The following STK36 variants were observed in gnomAD, a reference collection of about 807,000 sequenced individuals.
STK36 encodes the protein serine/threonine-protein kinase 36.
Under a neutral mutation model 142.2 loss-of-function variants are expected in STK36, and 116 were observed. The observed-to-expected ratio is 0.82, with a 90% confidence interval of 0.70 to 0.95. The LOEUF (loss-of-function observed/expected upper bound fraction) is 0.95. Ranked by LOEUF, STK36 falls within the 40% of genes least tolerant of loss-of-function variation. The probability of loss-of-function intolerance (pLI) is 0.00; values close to 1 mark genes in which losing one functional copy is unlikely to be tolerated. For missense variants in STK36, 1,422 were observed against 1,617.2 expected (o/e 0.88, Z 2.07); for synonymous variants, 619 against 641.7 (o/e 0.96, Z 0.53).
chr2:218,701,947 CCTGCCT>C lies in STK36; in HGVS notation c.3892_3897del (p.Ser1298_Ala1299del), dbSNP rs778130556. ...GTCACTGCCACACAGCAGTCCTAGG[CCTGCCT>C]CTGCCAAACACTGCAGGAAACTCAT... On this transcript the variant is annotated inframe_deletion, in exon 27 of 27. Transcript: ENST00000295709. The C allele has an allele frequency of 1.2e-6, 2 of 1,614,034 alleles. No homozygotes were observed. Among genetic ancestry groups the C allele is most frequent in the East Asian group, 2.2e-5 (1 of 44,888 alleles).
At position 218,688,806 on chromosome 2, in the gene STK36, G is replaced by T; in HGVS notation, c.1490G>T (p.Arg497Leu). 1 of 1,613,796 alleles carries T rather than the reference G, an allele frequency of 6.2e-7. No individual in the cohort carries two copies. The highest frequency in any genetic ancestry group is 8.5e-7 in the Non-Finnish European group (1 of 1,179,988). ...SDSVALYSFC[R>L]EAGLPGLLLS... ...TCTGTTGCCTTGTATTCCTTCTGCC[G>T]GGAGGCAGGGCTTCCTGGGCTGCTG... The change falls in exon 12 of 27, where the codon CGG (arginine) becomes CTG (leucine). Residue 497 changes from arginine (R) to leucine (L), a missense_variant. This residue lies in a region of STK36 where 962 missense variants were observed against 1,167.5 expected (regional missense o/e 0.82). Coordinates refer to ENST00000295709, the MANE Select transcript of STK36 (RefSeq NM_015690.5).
rs565742342 is a variant in STK36, at chr2:218,697,585, A to G, written c.2884A>G (p.Ser962Gly). The G allele has an allele frequency of 6.8e-6, 11 of 1,614,234 alleles. No individual in the cohort carries two copies. The Middle Eastern group carries it at 4.9e-4, about 73-fold the overall frequency. ...CATCCTGAAGCATCTGCTTTGCCCCAGCTTCCTGAATCAACTGCGCCAGGC... is the reference window on the plus strand; with the variant it reads ...CATCCTGAAGCATCTGCTTTGCCCCGGCTTCCTGAATCAACTGCGCCAGGC... ...MSILKHLLCP[S>G]FLNQLRQAPH... The change falls in exon 24 of 27, where the codon AGC becomes GGC. Residue 962 changes from serine to glycine, a missense_variant. Coordinates refer to ENST00000295709, the MANE Select transcript of STK36 (RefSeq NM_015690.5).
At chr2:218,684,743 A>G (rs2106353360) in intron 10 of STK36, 1 of 181,098 alleles carries the variant, frequency 5.5e-6, no homozygotes, top group South Asian at 1.5e-4. Flanking sequence ...TAATAACCTC[A>G]TCGTATTTTC....
chr2:218,692,653 G>T lies in STK36; in HGVS notation c.1986G>T (p.Leu662=). 6.2e-7 allele frequency: 1 copy of T among 1,613,732 alleles called. No homozygotes were observed. Among genetic ancestry groups the T allele is most frequent in the Non-Finnish European group, 8.5e-7 (1 of 1,180,016 alleles). Residue 662 remains leucine (L), a synonymous_variant, in exon 16 of 27, where the codon CTG becomes CTT. Coordinates refer to ENST00000295709, the MANE Select transcript of STK36 (RefSeq NM_015690.5). The stretch of plus-strand genomic sequence containing the variant: ...TACCTGGAGCCATTTCCTCTGCCCT[G>T]GCAGCCATATGCACTGCTCCTGTGG... ...EDIPGAISSA[L]AAICTAPVGL...
Position 218,694,290 on chromosome 2 carries a change from C to T in STK36, c.2363C>T (p.Ala788Val), listed in dbSNP as rs773476956. 1.2e-6 allele frequency: 2 copies of T among 1,614,060 alleles called. No homozygotes were observed. Among genetic ancestry groups the T allele is most frequent in the East Asian group, 4.5e-5 (2 of 44,888 alleles). The change falls in exon 20 of 27, where the codon GCT becomes GTT. Residue 788 changes from alanine to valine, a missense_variant. Ala to Val is a moderately conservative substitution (Grantham distance 64). Around this residue, in one of 2 missense-constraint regions of STK36, gnomAD observed 962 missense variants for 1,167.5 expected, o/e 0.82. Coordinates refer to ENST00000295709, the MANE Select transcript of STK36 (RefSeq NM_015690.5). The surrounding 1 kb of genome is among the most constrained non-coding windows in gnomAD (Gnocchi z 4.4). ...CGMEKLGSDV[A>V]TLFTHSHVVS... ...ATGGAGAAGCTAGGCAGTGACGTTG[C>T]TACTCTCTTTACCCATTCGCATGTC...
Position 218,694,597 on chromosome 2 carries a change from A to G in STK36, c.2473A>G (p.Met825Val), listed in dbSNP as rs532917789. Residue 825 changes from methionine (M) to valine (V), a missense_variant, in exon 21 of 27, where the codon ATG (methionine) becomes GTG (valine). Transcript: ENST00000295709. The surrounding 1 kb of genome is among the most constrained non-coding windows in gnomAD (Gnocchi z 4.4). ...VTFDLQPMEW[M>V]AAATHALSAP... ...CTTTGACCTCCAGCCCATGGAATGGATGGCTGCAGCCACACATGCCTTGTC... is the reference window on the plus strand; with the variant it reads ...CTTTGACCTCCAGCCCATGGAATGGGTGGCTGCAGCCACACATGCCTTGTC... 1.6e-4 allele frequency: 263 copies of G among 1,614,228 alleles called. 1 individual carries two copies. The South Asian group carries it at 2.7e-3, about 16-fold the overall frequency.
At chr2:218,685,422 G>A (rs919138993) in intron 11 of STK36, among the ~76,000 whole-genome samples, 194 bp downstream of exon 11, 2 of 152,036 alleles carry the variant, frequency 1.3e-5, no homozygotes, top group African/African-American at 2.4e-5. Flanking sequence ...TTTTCTGAAG[G>A]GAAAAATGCC....
intron 23 of STK36, 56 bp from the exon 24 acceptor site, chr2:218,697,407 A>C (rs531672266): frequency 6.3e-7 from 1 of 1,597,556 alleles, no homozygotes; most frequent in South Asian, 1.1e-5. Flanking sequence ...GTGGGGAAGC[A>C]GGGGTATCTG....
rs1464057166 is a variant in STK36, at chr2:218,694,134, C to T, written c.2337-130C>T. ...TTTCTCTACAAAGAACAGACCTAGA[C>T]TCCCATCAACTTTGTGCCTTGGAGG... On this transcript the variant is annotated intron_variant, in intron 19 of 26. Coordinates refer to ENST00000295709, the MANE Select transcript of STK36 (RefSeq NM_015690.5). The surrounding 1 kb of genome is among the most constrained non-coding windows in gnomAD (Gnocchi z 4.4). The T allele has an allele frequency of 1.4e-5, 16 of 1,150,116 alleles. No individual in the cohort carries two copies. The highest frequency in any genetic ancestry group is 9.0e-5 in the South Asian group (7 of 77,948). The allele number at this position is 1,150,116 out of a possible 1,614,324, so 71.2% of individuals were successfully genotyped here.
intron 10 of STK36, 139 bp downstream of exon 10, chr2:218,680,841 G>A: frequency 3.2e-6 from 2 of 620,700 alleles, no homozygotes; most frequent in South Asian, 4.8e-5. Flanking sequence ...TATTATTATA[G>A]ATTTTAATTG....
At chr2:218,672,325 C>A (rs1940017361) in intron 1 of STK36, 110 bp downstream of exon 1, 2 of 374,704 alleles carry the variant, frequency 5.3e-6, no homozygotes, top group Non-Finnish European at 9.9e-6. Context: ...GCCAGGGAAT[C>A]CGTCCCTTGG....
chr2:218,688,407 G>A (rs573520583), intron 11 of STK36: 3 of 565,134 alleles, frequency 5.3e-6, no homozygotes, highest in Non-Finnish European at 1.0e-5. Context: ...GGCTGGAGAA[G>A]GGAGGGAGCA....
chr2:218,698,489 C>G (rs1941318035), intron 25 of STK36, 113 bp from the exon 26 acceptor site: 1 of 1,349,254 alleles, frequency 7.4e-7, no homozygotes, highest in Non-Finnish European at 1.0e-6. Flanking sequence ...ACTTCCAGCT[C>G]TCTGTGGCAT....
intron 12 of STK36, among the ~76,000 whole-genome samples, chr2:218,689,539 G>C (rs11679333): frequency 6.6e-6 from 1 of 152,216 alleles, no homozygotes. Context: ...GGATGAGGCA[G>C]CTGGAAAGCT....
chr2:218,694,136 C>G lies in STK36; in HGVS notation c.2337-128C>G. On this transcript the variant is annotated intron_variant, in intron 19 of 26. Transcript: ENST00000295709. This position sits in a 1 kb window ranked among gnomAD's most constrained non-coding sequence, Gnocchi z 4.4. ...TCTCTACAAAGAACAGACCTAGACT[C>G]CCATCAACTTTGTGCCTTGGAGGTA... The G allele has an allele frequency of 8.6e-7, 1 of 1,157,336 alleles. No homozygotes were observed. The allele number at this position is 1,157,336 out of a possible 1,614,324, so 71.7% of individuals were successfully genotyped here.
At chr2:218,696,392 C>G (rs1470091769) in intron 21 of STK36, 135 bp from the exon 22 acceptor site, 1 of 727,520 alleles carries the variant, frequency 1.4e-6, no homozygotes, top group African/African-American at 1.7e-5. Flanking sequence ...AATGGTTCCC[C>G]CAGGCCCCAT....
rs748347573 is a variant in STK36 at position 218,701,881 on chromosome 2, G to A, written c.3820G>A (p.Gly1274Ser). Reference protein sequence around the residue: ...PGIHQVLVSLGASEKLSLLSL... With the variant: ...PGIHQVLVSLSASEKLSLLSL... ...TATCCTACAGGTACTGGTGTCCCTGGGTGCCAGTGAGAAACTATCCTTGCT... is the reference window on the plus strand; with the variant it reads ...TATCCTACAGGTACTGGTGTCCCTGAGTGCCAGTGAGAAACTATCCTTGCT... Residue 1274 changes from glycine to serine, a missense_variant, in exon 27 of 27, where the codon GGT becomes AGT. Around this residue, in one of 2 missense-constraint regions of STK36, gnomAD observed 962 missense variants for 1,167.5 expected, o/e 0.82. Coordinates refer to ENST00000295709, the MANE Select transcript of STK36 (RefSeq NM_015690.5). The A allele has an allele frequency of 1.5e-5, 24 of 1,613,792 alleles. No individual in the cohort carries two copies. In the South Asian group the frequency reaches 2.3e-4, roughly 16 times the overall value.
intron 6 of STK36, among the ~76,000 whole-genome samples, chr2:218,678,590 T>A (rs1358413828): frequency 6.6e-6 from 1 of 152,164 alleles, no homozygotes; most frequent in Non-Finnish European, 1.5e-5. Context: ...ATTGAGGATT[T>A]CCCCAAAGAT....
intron 22 of STK36, 124 bp from the exon 23 acceptor site, chr2:218,696,914 TG>T: frequency 7.4e-7 from 1 of 1,346,152 alleles, no homozygotes; most frequent in Non-Finnish European, 1.1e-6. Flanking sequence ...AAATACTAGG[TG>T]GGAAAGCGGA....
Sources: gnomAD v4.1 joint callset for allele counts (sites outside exome capture counted in the v4.1 genomes callset) on GRCh38, gnomAD v4.1.1 for gene constraint, gnomAD v4.1.1 regional missense constraint, Gnocchi (gnomAD v3.1) non-coding constraint, MANE v1.5 for transcripts, NCBI Gene and HGNC (gene_info 2026-07-23, HGNC 2026-07-21) for gene names.